The following GUCD1 variants were observed in gnomAD, a reference collection of about 807,000 sequenced individuals.
GUCD1 encodes guanylyl cyclase domain containing 1.
Under a neutral mutation model 28.3 loss-of-function variants are expected in GUCD1, and 17 were observed. That is an observed-to-expected ratio of 0.60 (90% confidence interval 0.41 to 0.90). GUCD1 has a LOEUF of 0.90. Among genes scored for constraint, GUCD1 ranks in the 40% least tolerant of loss-of-function variants. The pLI, the probability that GUCD1 is intolerant of heterozygous loss-of-function variation, is 0.00. For missense variants in GUCD1, 279 were observed against 305.5 expected (o/e 0.91, Z 0.65); for synonymous variants, 129 against 123.3 (o/e 1.05, Z -0.30).
chr22:24,555,784 C>T (rs1174700188), upstream of GUCD1: 7 of 1,549,906 alleles, frequency 4.5e-6, no homozygotes, highest in Non-Finnish European at 6.1e-6. Context: ...TGGCTCTTTG[C>T]CGGCCCCAAG....
At chr22:24,548,212 TCCTGCCCACAC>T (rs1306932628) in intron 2 of GUCD1, 139 bp from the exon 3 acceptor site, 24 of 705,210 alleles carry the variant, frequency 3.4e-5, no homozygotes, top group Admixed American at 7.6e-5. Context: ...AGACCCTAGG[TCCTGCCCACAC>T]ACTGCCCAGG....
chr22:24,555,619 C>T, upstream of GUCD1: 4 of 1,550,650 alleles, frequency 2.6e-6, no homozygotes, highest in Non-Finnish European at 3.5e-6. Flanking sequence ...CCTTACCTGG[C>T]GGTGCCGGGA....
At chr22:24,555,746 G>T (rs1440672515), upstream of GUCD1, 10 of 1,550,650 alleles carry the variant, frequency 6.4e-6, no homozygotes, top group Non-Finnish European at 8.7e-6. Flanking sequence ...CCTTGGTGTG[G>T]GGTGCTTGGA....
Position 24,546,905 on chromosome 22 carries a change from G to A in GUCD1, c.386+9C>T. 3 of 1,612,590 alleles carry A rather than the reference G, an allele frequency of 1.9e-6. No individual in the cohort carries two copies. The highest frequency in any genetic ancestry group is 2.5e-6 in the Non-Finnish European group (3 of 1,178,956). ...GAGGAAGGGCAGGTAGGAAAGTTGG[G>A]GGGCTCACCATTTCTCCACCAGCAC... On this transcript the variant is annotated intron_variant, in intron 4 of 5. Coordinates refer to ENST00000435822, the MANE Select transcript of GUCD1 (RefSeq NM_001284254.2).
chr22:24,544,602 C>T (rs1294140075), intron 4 of GUCD1, among the ~76,000 whole-genome samples: 2 of 152,168 alleles, frequency 1.3e-5, no homozygotes, highest in East Asian at 1.9e-4. Context: ...AAGGGCTGGG[C>T]CACATTGCTT....
In GUCD1 at chr22:24,544,050, C is replaced by G. The variant is rs769887666; in HGVS notation, c.420G>C (p.Leu140=). Residue 140 remains leucine (L), a synonymous_variant, in exon 5 of 6, where the codon CTG becomes CTC. Transcript: ENST00000435822. The part of the protein sequence containing the change: ...TVSVKDIQAH[L]AQGHVAIVLV... ...GCACGATGGCCACATGGCCCTGAGC[C>G]AGGTGCGCCTGGATGTCCTTCACAC... 3 of 1,612,014 alleles carry G rather than the reference C, an allele frequency of 1.9e-6. No individual in the cohort carries two copies. The highest frequency in any genetic ancestry group is 2.5e-6 in the Non-Finnish European group (3 of 1,178,672).
rs1192269703 is a variant in GUCD1, at chr22:24,542,993, C to G, written c.*13G>C. ...ATGGGGTCCGAGGGCCTAGGCGCAC[C>G]AGGCTCCTGCTGTCAGCTGTCCAAG... On this transcript the variant is annotated 3_prime_UTR_variant, in exon 6 of 6. Transcript: ENST00000435822. The G allele has an allele frequency of 6.2e-7, 1 of 1,601,614 alleles. No individual in the cohort carries two copies. Among genetic ancestry groups the G allele is most frequent in the Non-Finnish European group, 8.6e-7 (1 of 1,168,738 alleles).
intron 1 of GUCD1, among the ~76,000 whole-genome samples, chr22:24,552,769 CAA>C (rs765067330): frequency 1.4e-4 from 16 of 110,856 alleles, no homozygotes; most frequent in Admixed American, 2.9e-4. Context: ...GACTCCATCT[CAA>C]AAAAAAAAAA....
At chr22:24,547,667 G>A (rs1403965217) in intron 3 of GUCD1, 2 of 499,928 alleles carry the variant, frequency 4.0e-6, no homozygotes, top group Non-Finnish European at 7.3e-6. Context: ...GAAGGCAGGT[G>A]GACAGGAGCC....
In GUCD1 at chr22:24,542,559, T is replaced by C; in HGVS notation, c.*447A>G. ...TCCAGGAGAGAGGGGCCTGGAGGGG[T>C]CCTCAGCCCTGGGGGATTGGGGTCA... On this transcript the variant is annotated 3_prime_UTR_variant, in exon 6 of 6. Coordinates refer to ENST00000435822, the MANE Select transcript of GUCD1 (RefSeq NM_001284254.2). 1 of 162,562 alleles carries C rather than the reference T, an allele frequency of 6.2e-6. No homozygotes were observed. The highest frequency in any genetic ancestry group is 1.3e-5 in the Non-Finnish European group (1 of 74,330). The allele number at this position is 162,562 out of a possible 1,614,324, so 10.1% of individuals were successfully genotyped here.
chr22:24,542,559 T>A lies in GUCD1; in HGVS notation c.*447A>T, dbSNP rs1378047498. Reference sequence around the variant, plus strand: ...TCCAGGAGAGAGGGGCCTGGAGGGGTCCTCAGCCCTGGGGGATTGGGGTCA... The same window carrying A: ...TCCAGGAGAGAGGGGCCTGGAGGGGACCTCAGCCCTGGGGGATTGGGGTCA... On this transcript the variant is annotated 3_prime_UTR_variant, in exon 6 of 6. Transcript: ENST00000435822. 6.2e-6 allele frequency: 1 copy of A among 162,444 alleles called. No individual in the cohort carries two copies. Among genetic ancestry groups the A allele is most frequent in the Admixed American group, 6.2e-5 (1 of 16,142 alleles). The allele number at this position is 162,444 out of a possible 1,614,324, so 10.1% of individuals were successfully genotyped here.
intron 3 of GUCD1, 109 bp from the exon 4 acceptor site, chr22:24,547,114 G>T: frequency 1.2e-6 from 1 of 831,758 alleles, no homozygotes; most frequent in Non-Finnish European, 2.0e-6. Flanking sequence ...CAGGAGGGCA[G>T]AGGAGCCCCA....
intron 1 of GUCD1, among the ~76,000 whole-genome samples, chr22:24,553,951 G>T (rs1029110191): frequency 2.0e-5 from 3 of 152,274 alleles, no homozygotes; most frequent in Non-Finnish European, 4.4e-5. Context: ...TTGCTGCCTG[G>T]AGCCAAAGGG....
At chr22:24,549,887 G>A (rs1432571640) in intron 1 of GUCD1, among the ~76,000 whole-genome samples, 2 of 152,174 alleles carry the variant, frequency 1.3e-5, no homozygotes, top group Non-Finnish European at 1.5e-5. Context: ...AGCAGATAAT[G>A]TATCTGAGTT....
chr22:24,552,822 C>T (rs2044917878), intron 1 of GUCD1, among the ~76,000 whole-genome samples: 1 of 150,784 alleles, frequency 6.6e-6, no homozygotes, highest in Non-Finnish European at 1.5e-5. Flanking sequence ...TCTTCTGAAA[C>T]AGGGTCTCAC....
At chr22:24,546,548 T>A (rs908060374) in intron 4 of GUCD1, among the ~76,000 whole-genome samples, 2 of 152,180 alleles carry the variant, frequency 1.3e-5, no homozygotes, top group Non-Finnish European at 2.9e-5. Context: ...TCCCCATCCC[T>A]TGTCAATCAC....
chr22:24,549,903 G>A (rs1256962459), intron 1 of GUCD1, among the ~76,000 whole-genome samples: 1 of 152,190 alleles, frequency 6.6e-6, no homozygotes, highest in South Asian at 2.1e-4. Flanking sequence ...GAGTTCATGA[G>A]GCCCCTGGAG....
intron 4 of GUCD1, among the ~76,000 whole-genome samples, chr22:24,545,375 G>A (rs973330313): frequency 6.6e-6 from 1 of 152,114 alleles, no homozygotes; most frequent in African/African-American, 2.4e-5. Flanking sequence ...AAAAACTACA[G>A]GCTTCAAGGA....
In GUCD1 at chr22:24,548,403, G is replaced by A. The variant is rs371542598; in HGVS notation, c.129-330C>T. ...ACATCAGTGGTTTTCAAAGTTTTAG[G>A]CAAAGAACGCTTTTGTTGAATTTTC... On this transcript the variant is annotated intron_variant, in intron 2 of 5. Transcript: ENST00000435822. Among the ~76,000 whole-genome samples the A allele has an allele frequency of 2.0e-4, 31 of 152,306 alleles. 1 individual carries two copies. The South Asian group carries it at 6.0e-3, about 30-fold the overall frequency.
Sources: allele counts gnomAD v4.1 joint callset (sites outside exome capture counted in the v4.1 genomes callset), GRCh38; gene constraint gnomAD v4.1.1; transcripts MANE v1.5; gene names NCBI Gene and HGNC (gene_info 2026-07-23, HGNC 2026-07-21).